The following SPIDR variants were observed in gnomAD, a reference collection of about 807,000 sequenced individuals.
SPIDR encodes DNA repair-scaffolding protein.
In SPIDR, 93 loss-of-function variants were observed where a neutral mutation model predicts 104.6. That is an observed-to-expected ratio of 0.89 (90% CI 0.75 to 1.06). The LOEUF is 1.06. SPIDR is among the 50% of genes least tolerant of loss of function. The pLI is 0.00. For missense variants in SPIDR, 1,154 were observed against 1,111.2 expected, an observed-to-expected ratio of 1.04 and a Z score of -0.55; for synonymous variants, 431 against 416.9, an observed-to-expected ratio of 1.03 and a Z score of -0.41.
intron 5 of SPIDR, among the ~76,000 whole-genome samples, chr8:47,368,581 T>C (rs1554636458): frequency 6.6e-6 from 1 of 152,150 alleles, no homozygotes; most frequent in African/African-American, 2.4e-5. Flanking sequence ...TTTTTCATGC[T>C]TGCCTTCAAT....
chr8:47,420,937 C>A (rs1279166696), intron 7 of SPIDR, among the ~76,000 whole-genome samples: 14 of 152,160 alleles, frequency 9.2e-5, no homozygotes, highest in African/African-American at 3.4e-4. Context: ...GAATATTGGC[C>A]CCCATTATCT....
chr8:47,594,145 A>G (rs1481326014), intron 8 of SPIDR, among the ~76,000 whole-genome samples: 2 of 125,598 alleles, frequency 1.6e-5, no homozygotes, highest in South Asian at 2.6e-4. Flanking sequence ...AAATCACCTG[A>G]GGTCAGGAGT....
chr8:47,721,030 T>G (rs1412100905), intron 16 of SPIDR, among the ~76,000 whole-genome samples: 1 of 152,192 alleles, frequency 6.6e-6, no homozygotes, highest in Non-Finnish European at 1.5e-5. Context: ...ACTGCTGGGA[T>G]TACAGGCATG....
intron 8 of SPIDR, among the ~76,000 whole-genome samples, chr8:47,549,835 T>C (rs1181201233): frequency 3.3e-5 from 5 of 152,224 alleles, no homozygotes. Flanking sequence ...CATGGAGTCC[T>C]TGCCCATGCC....
At chr8:47,636,194 A>G (rs1348696712) in intron 10 of SPIDR, among the ~76,000 whole-genome samples, 1 of 152,170 alleles carries the variant, frequency 6.6e-6, no homozygotes, top group African/African-American at 2.4e-5. Flanking sequence ...ATCTGTGATC[A>G]GTGATCTTTT....
intron 8 of SPIDR, among the ~76,000 whole-genome samples, chr8:47,584,077 C>T (rs897604010): frequency 1.3e-5 from 2 of 152,184 alleles, no homozygotes; most frequent in Non-Finnish European, 2.9e-5. Context: ...ATTTGCCTCA[C>T]AAATCTATTT....
At chr8:47,548,474 C>G (rs1039701315) in intron 8 of SPIDR, among the ~76,000 whole-genome samples, 1 of 152,138 alleles carries the variant, frequency 6.6e-6, no homozygotes. Flanking sequence ...ATGGTGAAAC[C>G]CTGTCTCTAC....
At chr8:47,477,267 T>TCA (rs1291970277) in intron 8 of SPIDR, among the ~76,000 whole-genome samples, 2 of 152,110 alleles carry the variant, frequency 1.3e-5, no homozygotes, top group African/African-American at 4.8e-5. Context: ...TGGTGCTATC[T>TCA]CAGCTCACTG....
chr8:47,422,119 A>G (rs1222879410), intron 7 of SPIDR, among the ~76,000 whole-genome samples: 1 of 152,184 alleles, frequency 6.6e-6, no homozygotes, highest in Admixed American at 6.5e-5. Context: ...TGGGAGAACC[A>G]CTACTCTCTT....
chr8:47,418,252 T>C (rs899039203), intron 7 of SPIDR, among the ~76,000 whole-genome samples: 8 of 152,226 alleles, frequency 5.3e-5, no homozygotes, highest in African/African-American at 1.2e-4. Context: ...TTCCTATCCA[T>C]GAGCATGGAA....
At chr8:47,703,953 G>T (rs1444903803) in intron 14 of SPIDR, among the ~76,000 whole-genome samples, 1 of 152,322 alleles carries the variant, frequency 6.6e-6, no homozygotes, top group East Asian at 1.9e-4. Flanking sequence ...GATGCCATAG[G>T]TGCTGCGCAA....
chr8:47,559,653 A>G (rs1034084385), intron 8 of SPIDR, among the ~76,000 whole-genome samples: 4 of 152,208 alleles, frequency 2.6e-5, no homozygotes, highest in African/African-American at 9.7e-5. Context: ...TTGACCCAGA[A>G]GTGTCCCCTA....
At chr8:47,718,446 G>C (rs916802774) in intron 16 of SPIDR, among the ~76,000 whole-genome samples, 2 of 151,704 alleles carry the variant, frequency 1.3e-5, no homozygotes, top group Middle Eastern at 3.2e-3. Flanking sequence ...GTTGTATTTA[G>C]GCAGTTTTTC....
chr8:47,669,383 G>A (rs895660113), intron 10 of SPIDR, among the ~76,000 whole-genome samples: 2 of 152,160 alleles, frequency 1.3e-5, no homozygotes, highest in African/African-American at 4.8e-5. Flanking sequence ...CAATCCAGTC[G>A]AACCAGGGGG....
chr8:47,352,990 G>A (rs2053834685), intron 5 of SPIDR, among the ~76,000 whole-genome samples: 1 of 143,120 alleles, frequency 7.0e-6, no homozygotes, highest in Non-Finnish European at 1.5e-5. Context: ...GGAGGCAAAG[G>A]TTGCAGTGAG....
intron 5 of SPIDR, among the ~76,000 whole-genome samples, chr8:47,344,520 T>G (rs1259983946): frequency 6.6e-6 from 1 of 152,218 alleles, no homozygotes; most frequent in Non-Finnish European, 1.5e-5. Context: ...TATTTCTAGT[T>G]CTAGATCCTT....
At chr8:47,593,163 G>A (rs1588160649) in intron 8 of SPIDR, among the ~76,000 whole-genome samples, 1 of 152,246 alleles carries the variant, frequency 6.6e-6, no homozygotes, top group Non-Finnish European at 1.5e-5. Flanking sequence ...TGGGATTACA[G>A]GCATGAGCCA....
chr8:47,432,080 A>G (rs2067458162), intron 7 of SPIDR, among the ~76,000 whole-genome samples: 1 of 152,230 alleles, frequency 6.6e-6, no homozygotes, highest in Non-Finnish European at 1.5e-5. Context: ...CCAATCATTA[A>G]TAACACAATC....
At chr8:47,344,504 A>G (rs1188742738) in intron 5 of SPIDR, among the ~76,000 whole-genome samples, 2 of 152,240 alleles carry the variant, frequency 1.3e-5, no homozygotes, top group Non-Finnish European at 2.9e-5. Context: ...TGGCTGGGTC[A>G]AATGGTATTT....
Sources: gnomAD v4.1 joint callset for allele counts (sites outside exome capture counted in the v4.1 genomes callset) on GRCh38, gnomAD v4.1.1 for gene constraint, MANE v1.5 for transcripts, NCBI Gene and HGNC (gene_info 2026-07-23, HGNC 2026-07-21) for gene names.